The following LZTS1 variants were observed in gnomAD, a reference collection of about 807,000 sequenced individuals.
LZTS1 encodes the protein leucine zipper tumor suppressor 1, also known as leucine zipper putative tumor suppressor 1.
LZTS1 carries 31 observed loss-of-function variants against 45.8 expected under a neutral mutation model. The observed-to-expected ratio is 0.68, with a 90% confidence interval of 0.51 to 0.91. The LOEUF is 0.91. LZTS1 is among the 40% of genes least tolerant of loss of function. LZTS1 has a pLI of 0.00. For missense variants in LZTS1, 821 were observed against 788.9 expected, an observed-to-expected ratio of 1.04 and a Z score of -0.49; for synonymous variants, 359 against 357.3, an observed-to-expected ratio of 1.00 and a Z score of -0.05.
At chr8:20,297,972 C>G (rs1011292691) in intron 1 of LZTS1, among the ~76,000 whole-genome samples, 1 of 152,182 alleles carries the variant, frequency 6.6e-6, no homozygotes, top group African/African-American at 2.4e-5. Flanking sequence ...GTAGTTACAG[C>G]CCAACATTGG....
At chr8:20,282,135 C>T (rs1250577230) in intron 1 of LZTS1, among the ~76,000 whole-genome samples, 1 of 152,204 alleles carries the variant, frequency 6.6e-6, no homozygotes, top group Non-Finnish European at 1.5e-5. Context: ...CCACGAGGGT[C>T]CACAGTCCTT....
intron 1 of LZTS1, among the ~76,000 whole-genome samples, chr8:20,286,960 C>T (rs191582809): frequency 2.0e-5 from 3 of 152,176 alleles, no homozygotes; most frequent in Non-Finnish European, 2.9e-5. Flanking sequence ...AAGGGGTTTC[C>T]GGGGGGTACT....
At position 20,252,916 on chromosome 8, in the gene LZTS1, G is replaced by A; in HGVS notation, c.1015C>T (p.Gln339Ter). The A allele has an allele frequency of 6.2e-7, 1 of 1,609,764 alleles. No individual in the cohort carries two copies. Among genetic ancestry groups the A allele is most frequent in the Non-Finnish European group, 8.5e-7 (1 of 1,178,828 alleles). ...QVLHLQVLQL[Q>*]QEKRQLRQEL... ...TGCCGGAGCTGCCGCTTCTCCTGCT[G>A]AAGCTGCAGTACCTGCAGGTGCAGG... The change falls in exon 3 of 4, where the codon CAG (glutamine) becomes TAG (stop). Residue 339 changes from glutamine (Q) to a stop codon, truncating the protein, a stop_gained. Transcript: ENST00000381569. LOFTEE classifies it high-confidence loss of function.
At chr8:20,273,521 C>T (rs921689634) in intron 1 of LZTS1, among the ~76,000 whole-genome samples, 1 of 152,172 alleles carries the variant, frequency 6.6e-6, no homozygotes, top group Non-Finnish European at 1.5e-5. Context: ...CTGCCTTCAG[C>T]GTGCCCCTCC....
chr8:20,282,326 G>A (rs1016641633), intron 1 of LZTS1, among the ~76,000 whole-genome samples: 1 of 152,222 alleles, frequency 6.6e-6, no homozygotes, highest in Admixed American at 6.5e-5. Flanking sequence ...TGCTCTCTGA[G>A]CCTGCTGGGC....
chr8:20,264,289 T>G (rs1179345885), intron 1 of LZTS1, among the ~76,000 whole-genome samples: 1 of 152,202 alleles, frequency 6.6e-6, no homozygotes, highest in Non-Finnish European at 1.5e-5. Flanking sequence ...TCTTTTACTA[T>G]TCCCTACTTA....
chr8:20,254,417 C>A lies in LZTS1; in HGVS notation c.345+420G>T, dbSNP rs1022015045. Reference sequence around the variant, plus strand: ...CAAATGAGAAGACCGCACCCACCCCCACGAGTCTCCCGGGGAGAGAAGCGG... The same window carrying A: ...CAAATGAGAAGACCGCACCCACCCCAACGAGTCTCCCGGGGAGAGAAGCGG... On this transcript the variant is annotated intron_variant, in intron 2 of 3. Coordinates refer to ENST00000381569, the MANE Select transcript of LZTS1 (RefSeq NM_021020.5). Among the ~76,000 whole-genome samples the A allele has an allele frequency of 1.1e-4, 16 of 152,224 alleles. 1 individual carries two copies.
At chr8:20,263,732 C>T (rs969020942) in intron 1 of LZTS1, among the ~76,000 whole-genome samples, 5 of 151,956 alleles carry the variant, frequency 3.3e-5, no homozygotes, top group East Asian at 1.9e-4. Context: ...AAGTGGGGCG[C>T]GGGGTGGAAG....
rs144768964 is a variant in LZTS1 at position 20,285,123 on chromosome 8, G to C, written c.-135+18617C>G. Among the ~76,000 whole-genome samples the C allele has an allele frequency of 2.0e-3, 302 of 152,326 alleles. 2 individuals are homozygous for C. The highest frequency in any genetic ancestry group is 6.8e-3 in the African/African-American group (282 of 41,580). ...AGGGCTTTACAAACTCTAAAGTGCA[G>C]TACCAACATTCCCATCCATTCAAGT... On this transcript the variant is annotated intron_variant, in intron 1 of 3. Transcript: ENST00000381569.
intron 1 of LZTS1, among the ~76,000 whole-genome samples, chr8:20,279,615 C>T (rs1800647776): frequency 7.2e-6 from 1 of 138,526 alleles, no homozygotes; most frequent in Non-Finnish European, 1.5e-5. Context: ...GTGGGAGGAT[C>T]GCTTAAGTCC....
At chr8:20,284,725 T>C (rs550065333) in intron 1 of LZTS1, among the ~76,000 whole-genome samples, 62 of 152,220 alleles carry the variant, frequency 4.1e-4, no homozygotes, top group Non-Finnish European at 7.1e-4. Flanking sequence ...ATCTCATGCC[T>C]AGCATGTAAT....
rs1223037550 is a variant in LZTS1 at position 20,247,705 on chromosome 8, C to G, written c.*2017G>C. ...AGAGCCAGCCACAGAAAAGGTGACT[C>G]TGGCCTCAGCCCGCACTCAGGGAAG... On this transcript the variant is annotated 3_prime_UTR_variant, in exon 4 of 4. Coordinates refer to ENST00000381569, the MANE Select transcript of LZTS1 (RefSeq NM_021020.5). The G allele has an allele frequency of 6.6e-6, 1 of 152,362 alleles. No individual in the cohort carries two copies. Among genetic ancestry groups the G allele is most frequent in the East Asian group, 1.9e-4 (1 of 5,186 alleles). 9.4% of individuals were successfully genotyped at this position (152,362 alleles called of 1,614,324 possible).
intron 1 of LZTS1, among the ~76,000 whole-genome samples, chr8:20,278,327 C>A (rs997301114): frequency 1.2e-4 from 18 of 152,300 alleles, no homozygotes; most frequent in African/African-American, 4.1e-4. Flanking sequence ...ATGCACACAA[C>A]TTCAGTAAAC....
chr8:20,273,775 T>TA (rs200488450), intron 1 of LZTS1, among the ~76,000 whole-genome samples: 2,801 of 84,304 alleles, frequency 0.033, 37 homozygotes, highest in Non-Finnish European at 0.041. Context: ...ACCTGTTATA[T>TA]TTGTTTTTTT....
Position 20,257,896 on chromosome 8 carries a change from A to G in LZTS1, c.-134-2581T>C, listed in dbSNP as rs1800143101. ...CCCATGTTGGCCAGGCTGGTCTCGA[A>G]CTCCTGACCTCAGGTGATCCACCTG... On this transcript the variant is annotated intron_variant, in intron 1 of 3. Coordinates refer to ENST00000381569, the MANE Select transcript of LZTS1 (RefSeq NM_021020.5). Among the ~76,000 whole-genome samples the G allele has an allele frequency of 2.0e-5, 3 of 151,708 alleles. No homozygotes were observed. In the South Asian group the frequency reaches 6.3e-4, roughly 32 times the overall value.
chr8:20,251,541 T>A (rs1012381462), intron 3 of LZTS1, among the ~76,000 whole-genome samples: 1 of 152,192 alleles, frequency 6.6e-6, no homozygotes, highest in Admixed American at 6.5e-5. Context: ...CTGGCCTTGG[T>A]CTCCCATGAC....
In LZTS1 at chr8:20,264,730, G is replaced by A. The variant is rs189307493; in HGVS notation, c.-134-9415C>T. 6.8e-3 allele frequency among the ~76,000 whole-genome samples: 1,028 copies of A among 152,288 alleles called. 11 individuals carry two copies. Among genetic ancestry groups the A allele is most frequent in the African/African-American group, 0.024 (982 of 41,546 alleles). ...CAACCAGCCAGGCAGGACCTCGGCC[G>A]TCCTCTGCCCCAAATGCTTCACTAC... On this transcript the variant is annotated intron_variant, in intron 1 of 3. Coordinates refer to ENST00000381569, the MANE Select transcript of LZTS1 (RefSeq NM_021020.5).
Sources: gnomAD v4.1 joint callset for allele counts (sites outside exome capture counted in the v4.1 genomes callset) on GRCh38, gnomAD v4.1.1 for gene constraint, MANE v1.5 for transcripts, NCBI Gene and HGNC (gene_info 2026-07-23, HGNC 2026-07-21) for gene names.